THEMIS: variants seen among roughly 807,000 people sequenced by gnomAD.
THEMIS encodes the protein thymocyte selection associated.
Under a neutral mutation model 52.6 loss-of-function variants are expected in THEMIS, and 37 were observed. The observed-to-expected ratio is 0.70, with a 90% CI of 0.54 to 0.93. The LOEUF is 0.93. THEMIS is among the 40% of genes least tolerant of loss of function. The pLI is 0.00. For synonymous variants in THEMIS, 292 were observed against 272.7 expected, an observed-to-expected ratio of 1.07 and a Z score of -0.70; for missense variants, 808 against 763.1, an observed-to-expected ratio of 1.06 and a Z score of -0.69.
chr6:127,849,244 G>A (rs982668548), intron 2 of THEMIS, among the ~76,000 whole-genome samples: 3 of 151,786 alleles, frequency 2.0e-5, no homozygotes, highest in African/African-American at 7.3e-5. Flanking sequence ...GTAGATATGC[G>A]GCATTATTTC....
At chr6:127,771,539 CA>C (rs1776384653) in intron 4 of THEMIS, among the ~76,000 whole-genome samples, 1 of 152,280 alleles carries the variant, frequency 6.6e-6, no homozygotes, top group South Asian at 2.1e-4. Context: ...GTAACCAAAA[CA>C]GCATGATACT....
rs1777198939 is a variant in THEMIS at position 127,792,705 on chromosome 6, T to C, written c.1758+20178A>G. ...CCCAAAACAGACTGCCTTTTAACCA[T>C]GATTCGAGATTTAGTTTTCATAATA... On this transcript the variant is annotated intron_variant, in intron 4 of 5. Transcript: ENST00000368248. Among the ~76,000 whole-genome samples, 5 of 152,148 alleles carry C rather than the reference T, an allele frequency of 3.3e-5. No individual in the cohort carries two copies. In the South Asian group the frequency reaches 1.0e-3, roughly 32 times the overall value.
chr6:127,748,597 T>C (rs1322535027), intron 4 of THEMIS, among the ~76,000 whole-genome samples: 1 of 152,060 alleles, frequency 6.6e-6, no homozygotes, highest in Non-Finnish European at 1.5e-5. Flanking sequence ...ACATGAATAC[T>C]GGAGGAGACA....
intron 4 of THEMIS, among the ~76,000 whole-genome samples, chr6:127,731,528 T>C (rs1438331622): frequency 6.6e-6 from 1 of 151,832 alleles, no homozygotes; most frequent in African/African-American, 2.4e-5. Flanking sequence ...TGACATGTAT[T>C]AGCATATTGA....
intron 4 of THEMIS, among the ~76,000 whole-genome samples, chr6:127,799,038 A>G (rs1433764836): frequency 6.6e-6 from 1 of 151,922 alleles, no homozygotes; most frequent in Non-Finnish European, 1.5e-5. Flanking sequence ...AAAGACTCAG[A>G]AGAGAATAAA....
chr6:127,847,313 G>A (rs1418593899), intron 2 of THEMIS, among the ~76,000 whole-genome samples: 1 of 151,898 alleles, frequency 6.6e-6, no homozygotes, highest in Non-Finnish European at 1.5e-5. Context: ...GAAATAAAGG[G>A]CATCCAAATT....
At chr6:127,831,708 A>T (rs1778701848) in intron 2 of THEMIS, among the ~76,000 whole-genome samples, 1 of 152,166 alleles carries the variant, frequency 6.6e-6, no homozygotes, top group Non-Finnish European at 1.5e-5. Context: ...TGACTGATGC[A>T]ATCTTGGCAG....
At chr6:127,838,164 C>G (rs1265152931) in intron 2 of THEMIS, among the ~76,000 whole-genome samples, 1 of 151,930 alleles carries the variant, frequency 6.6e-6, no homozygotes, top group Non-Finnish European at 1.5e-5. Flanking sequence ...AGATGGAATT[C>G]AAAATATATT....
At chr6:127,772,545 T>C (rs1776422703) in intron 4 of THEMIS, among the ~76,000 whole-genome samples, 1 of 151,938 alleles carries the variant, frequency 6.6e-6, no homozygotes, top group African/African-American at 2.4e-5. Context: ...TCCTTTCAAG[T>C]TTAATTGCTT....
chr6:127,777,727 A>G (rs1490516215), intron 4 of THEMIS, among the ~76,000 whole-genome samples: 1 of 152,120 alleles, frequency 6.6e-6, no homozygotes, highest in Non-Finnish European at 1.5e-5. Context: ...AGACTTCCAT[A>G]TTCAATTAAT....
chr6:127,815,688 C>T (rs1055523209), intron 3 of THEMIS, among the ~76,000 whole-genome samples: 5 of 152,104 alleles, frequency 3.3e-5, no homozygotes, highest in African/African-American at 1.2e-4. Context: ...ACTGGCTTCC[C>T]TGAACCTCAA....
At position 127,708,490 on chromosome 6, in the gene THEMIS, C is replaced by T. The variant is rs1183373713; in HGVS notation, c.*1495G>A. On this transcript the variant is annotated 3_prime_UTR_variant, in exon 6 of 6. Coordinates refer to ENST00000368248, the MANE Select transcript of THEMIS (RefSeq NM_001010923.3). ...TTATTCACTATTGTTTGAAAAATAA[C>T]AAATTATATGAGTCTAAAAACACCT... 6.6e-6 allele frequency: 1 copy of T among 151,966 alleles called. No individual in the cohort carries two copies. The highest frequency in any genetic ancestry group is 1.5e-5 in the Non-Finnish European group (1 of 67,950). The allele number at this position is 151,966 out of a possible 1,614,324, so 9.4% of individuals were successfully genotyped here. A position where few individuals can be genotyped will look rare whatever the true frequency, so the allele number is the denominator to read the frequency against.
intron 4 of THEMIS, among the ~76,000 whole-genome samples, chr6:127,799,716 G>A (rs903109889): frequency 3.3e-5 from 5 of 151,892 alleles, no homozygotes; most frequent in South Asian, 2.1e-4. Context: ...ACATACACAC[G>A]GACTATGATT....
the THEMIS span, among the ~76,000 whole-genome samples, chr6:127,697,441 C>T: frequency 6.6e-6 from 1 of 152,132 alleles, no homozygotes; most frequent in Non-Finnish European, 1.5e-5. Context: ...TACCCTCAAG[C>T]AATAGGCATA....
downstream of THEMIS, among the ~76,000 whole-genome samples, chr6:127,705,204 A>G (rs74405656): frequency 0.021 from 3,269 of 152,310 alleles, 116 homozygotes; most frequent in African/African-American, 0.075. Flanking sequence ...AATGGGGAAA[A>G]GGTATGAAAA....
At chr6:127,870,109 G>A (rs575015616) in intron 1 of THEMIS, among the ~76,000 whole-genome samples, 2 of 152,262 alleles carry the variant, frequency 1.3e-5, no homozygotes, top group African/African-American at 2.4e-5. Context: ...ACTCCCATTC[G>A]TAAGCACTGA....
rs1190156751 is a variant in THEMIS at position 127,841,840 on chromosome 6, G to GA, written c.251-11907dup. Among the ~76,000 whole-genome samples the GA allele has an allele frequency of 2.0e-5, 3 of 151,914 alleles. No homozygotes were observed. The East Asian group carries it at 5.8e-4, about 29-fold the overall frequency. Reference sequence around the variant, plus strand: ...ATACAAAATACCCCTTTTTGTCAAAGAAAAGATGTTGTAAGGTAGACACAG... The same window carrying GA: ...ATACAAAATACCCCTTTTTGTCAAAGAAAAAGATGTTGTAAGGTAGACACAG... On this transcript the variant is annotated intron_variant, in intron 2 of 5. Coordinates refer to ENST00000368248, the MANE Select transcript of THEMIS (RefSeq NM_001010923.3).
At chr6:127,820,814 A>ATT (rs144857189) in intron 3 of THEMIS, among the ~76,000 whole-genome samples, 2 of 151,938 alleles carry the variant, frequency 1.3e-5, no homozygotes, top group East Asian at 3.9e-4. Flanking sequence ...TATTCTGTTG[A>ATT]TTTTTTTATA....
chr6:127,701,103 G>T, the THEMIS span, among the ~76,000 whole-genome samples: 1 of 151,988 alleles, frequency 6.6e-6, no homozygotes, highest in Non-Finnish European at 1.5e-5. Context: ...CCATAACACA[G>T]ATTAATATAT....
Sources: gnomAD v4.1 joint callset for allele counts (sites outside exome capture counted in the v4.1 genomes callset) on GRCh38, gnomAD v4.1.1 for gene constraint, MANE v1.5 for transcripts, NCBI Gene and HGNC (gene_info 2026-07-23, HGNC 2026-07-21) for gene names.